MCUB: variants seen among roughly 807,000 people sequenced by gnomAD.
MCUB encodes the protein mitochondrial calcium uniporter dominant negative subunit beta.
A neutral mutation model predicts 41.4 loss-of-function variants in MCUB; 46 were observed. The ratio of observed to expected loss-of-function variants is 1.11; its 90% CI spans 0.88 to 1.42. The LOEUF (loss-of-function observed/expected upper bound fraction) is 1.42, where lower values mean the gene tolerates loss of function less well. Among genes scored for constraint, MCUB ranks in the 40% most tolerant of loss-of-function variants. MCUB has a pLI of 0.00. For missense variants in MCUB, 403 were observed against 404.9 expected, an observed-to-expected ratio of 1.00 and a Z score of 0.04; for synonymous variants, 148 against 148.2, an observed-to-expected ratio of 1.00 and a Z score of 0.01.
At chr4:109,576,982 G>C (rs1176163369) in intron 1 of MCUB, among the ~76,000 whole-genome samples, 1 of 152,132 alleles carries the variant, frequency 6.6e-6, no homozygotes, top group Admixed American at 6.5e-5. Context: ...CTCCTGAGTA[G>C]ATGGGATTAC....
intron 5 of MCUB, among the ~76,000 whole-genome samples, chr4:109,684,042 A>C (rs187645841): frequency 1.7e-3 from 257 of 149,988 alleles, no homozygotes; most frequent in African/African-American, 6.1e-3. Context: ...GCAGATGTGC[A>C]TTTGTTCAAG....
intron 1 of MCUB, among the ~76,000 whole-genome samples, chr4:109,598,612 G>A (rs1368098299): frequency 2.0e-5 from 3 of 151,768 alleles, no homozygotes; most frequent in African/African-American, 4.8e-5. Context: ...GAGACGGTGG[G>A]GAGACGGGAG....
At chr4:109,655,299 C>T (rs371937960) in intron 1 of MCUB, among the ~76,000 whole-genome samples, 62 of 152,302 alleles carry the variant, frequency 4.1e-4, no homozygotes, top group African/African-American at 1.4e-3. Context: ...CACGTGGTTG[C>T]ATTCACCAAC....
At chr4:109,577,396 C>T (rs1727055812) in intron 1 of MCUB, among the ~76,000 whole-genome samples, 1 of 152,128 alleles carries the variant, frequency 6.6e-6, no homozygotes, top group Non-Finnish European at 1.5e-5. Context: ...ATGTGCCATA[C>T]ACTATCATGA....
chr4:109,681,290 G>T (rs1262244122), intron 4 of MCUB: 6 of 280,440 alleles, frequency 2.1e-5, no homozygotes, highest in African/African-American at 1.1e-4. Context: ...AGTCTCTGGG[G>T]TCAGCAAATT....
chr4:109,611,451 G>C lies in MCUB; in HGVS notation c.100-47560G>C, dbSNP rs115588240. On this transcript the variant is annotated intron_variant, in intron 1 of 7. Transcript: ENST00000394650. ...AAAGCAAATTCTCTAGCTTTATGGT[G>C]TATGTATTTCCATGTCTTGGGAGGC... Among the ~76,000 whole-genome samples, 491 of 152,334 alleles carry C rather than the reference G, an allele frequency of 3.2e-3. 1 individual carries two copies. The highest frequency in any genetic ancestry group is 0.011 in the African/African-American group (463 of 41,574).
At chr4:109,582,030 T>C (rs1025986507) in intron 1 of MCUB, among the ~76,000 whole-genome samples, 3 of 152,142 alleles carry the variant, frequency 2.0e-5, no homozygotes, top group Non-Finnish European at 2.9e-5. Flanking sequence ...CATTGCTGGG[T>C]ATATACCCAA....
At chr4:109,638,845 T>C (rs1326678832) in intron 1 of MCUB, among the ~76,000 whole-genome samples, 1 of 152,218 alleles carries the variant, frequency 6.6e-6, no homozygotes, top group Non-Finnish European at 1.5e-5. Context: ...CTTTCTTTGC[T>C]CAGCCATATG....
intron 1 of MCUB, among the ~76,000 whole-genome samples, chr4:109,569,944 G>T (rs190958172): frequency 6.6e-6 from 1 of 152,120 alleles, no homozygotes; most frequent in African/African-American, 2.4e-5. Context: ...AAGAAGTTCC[G>T]AGAATGGTAA....
At position 109,584,445 on chromosome 4, in the gene MCUB, T is replaced by C. The variant is rs188537394; in HGVS notation, c.99+24009T>C. Among the ~76,000 whole-genome samples the C allele has an allele frequency of 5.7e-3, 874 of 152,348 alleles. 8 individuals carry two copies. The highest frequency in any genetic ancestry group is 0.021 in the African/African-American group (856 of 41,570). On this transcript the variant is annotated intron_variant, in intron 1 of 7. Transcript: ENST00000394650. ...TTTTCTGAAGGGTTTTTTGTGTCTC[T>C]GTCTCCTTCAGTTCTGCTCTGATCT... is the stretch of plus-strand genomic sequence containing the variant.
chr4:109,603,874 G>A (rs193215913), intron 1 of MCUB, among the ~76,000 whole-genome samples: 1,899 of 152,198 alleles, frequency 0.012, 33 homozygotes, highest in African/African-American at 0.038. Context: ...CCGCCACCCC[G>A]TCTGGGAGGT....
intron 4 of MCUB, chr4:109,674,032 C>T (rs927449713): frequency 1.8e-5 from 23 of 1,305,112 alleles, no homozygotes; most frequent in African/African-American, 2.9e-5. Flanking sequence ...GATCCACATG[C>T]GTGTGGTAGC....
At chr4:109,604,262 A>T (rs371649922) in intron 1 of MCUB, among the ~76,000 whole-genome samples, 272 of 145,278 alleles carry the variant, frequency 1.9e-3, no homozygotes, top group Middle Eastern at 3.5e-3. Context: ...GGCCGCAGGG[A>T]CCTCTGCCTA....
intron 1 of MCUB, among the ~76,000 whole-genome samples, chr4:109,578,966 C>T (rs1727100759): frequency 6.6e-6 from 1 of 152,144 alleles, no homozygotes; most frequent in Admixed American, 6.5e-5. Context: ...TTCTACTTTC[C>T]TTCTGTTTAC....
chr4:109,562,891 C>A (rs1265230659), intron 1 of MCUB, among the ~76,000 whole-genome samples: 1 of 150,986 alleles, frequency 6.6e-6, no homozygotes, highest in Non-Finnish European at 1.5e-5. Context: ...GAAAAAAAAA[C>A]AGTTTGTTGA....
At chr4:109,641,267 A>ATT (rs70954174) in intron 1 of MCUB, among the ~76,000 whole-genome samples, 3 of 136,786 alleles carry the variant, frequency 2.2e-5, no homozygotes, top group Non-Finnish European at 3.1e-5. Context: ...TACTTTTTGT[A>ATT]TTTTTTTTTT....
intron 4 of MCUB, among the ~76,000 whole-genome samples, chr4:109,677,308 C>T (rs1378350861): frequency 6.6e-6 from 1 of 152,158 alleles, no homozygotes; most frequent in Non-Finnish European, 1.5e-5. Context: ...TTCAGACTCA[C>T]AGCTGGAGGA....
intron 1 of MCUB, among the ~76,000 whole-genome samples, chr4:109,590,572 G>GA (rs1425795825): frequency 6.6e-6 from 1 of 152,186 alleles, no homozygotes; most frequent in Non-Finnish European, 1.5e-5. Context: ...AAATTGCTAT[G>GA]AAAAACAGCG....
At chr4:109,679,772 G>C (rs4698748) in intron 4 of MCUB, among the ~76,000 whole-genome samples, 106,980 of 152,070 alleles carry the variant, frequency 0.7, 38,483 homozygotes, top group African/African-American at 0.86. Context: ...TTTCTCTCCC[G>C]CTTTGAGGTA....
Sources: allele counts gnomAD v4.1 joint callset (sites outside exome capture counted in the v4.1 genomes callset), GRCh38; gene constraint gnomAD v4.1.1; transcripts MANE v1.5; gene names NCBI Gene and HGNC (gene_info 2026-07-23, HGNC 2026-07-21).